The following KCNH3 variants were observed in gnomAD, a reference collection of about 807,000 sequenced individuals.
The protein encoded by KCNH3 is voltage-gated inwardly rectifying potassium channel KCNH3.
In KCNH3, 36 loss-of-function variants were observed where a neutral mutation model predicts 95.6. The observed-to-expected ratio is 0.38, with a 90% confidence interval of 0.29 to 0.50. The LOEUF is 0.50. Among genes scored for constraint, KCNH3 ranks in the 20% least tolerant of loss-of-function variants. The pLI is 0.95. For synonymous variants in KCNH3, 620 were observed against 646.3 expected, an observed-to-expected ratio of 0.96 and a Z score of 0.62; for missense variants, 1,030 against 1,484.1, an observed-to-expected ratio of 0.69 and a Z score of 5.03.
chr12:49,548,476 G>C (rs1166727350), intron 7 of KCNH3, among the ~76,000 whole-genome samples: 1 of 152,178 alleles, frequency 6.6e-6, no homozygotes, highest in African/African-American at 2.4e-5. Context: ...GAGTTGATGG[G>C]CTCAGAGAAA....
intron 13 of KCNH3, 29 bp downstream of exon 13, chr12:49,556,505 G>A: frequency 1.3e-6 from 2 of 1,505,948 alleles, no homozygotes; most frequent in Non-Finnish European, 1.8e-6. Context: ...GGTCTAGGTT[G>A]GTGGGGCAGC....
chr12:49,544,733 G>A (rs537812547), intron 7 of KCNH3, among the ~76,000 whole-genome samples: 6 of 124,326 alleles, frequency 4.8e-5, no homozygotes, highest in African/African-American at 1.6e-4. Context: ...CCCTCCCCCC[G>A]CATCCTCTCT....
rs771188274 is a variant in KCNH3 at position 49,549,478 on chromosome 12, C to T, written c.1506C>T (p.Ala502=). The part of the protein sequence containing the change: ...MHAVVFGNVT[A]IIQRMYARRF... ...CGGTGGTGTTTGGGAACGTGACGGC[C>T]ATCATCCAGCGCATGTACGCCCGCC... Residue 502 remains alanine (A), a synonymous_variant, in exon 9 of 15, where the codon GCC becomes GCT. Transcript: ENST00000257981. 8.7e-6 allele frequency: 14 copies of T among 1,613,384 alleles called. No homozygotes were observed. The highest frequency in any genetic ancestry group is 1.3e-5 in the African/African-American group (1 of 74,948).
chr12:49,554,369 C>G lies in KCNH3; in HGVS notation c.1951C>G (p.Arg651Gly). The G allele has an allele frequency of 6.2e-7, 1 of 1,613,350 alleles. No individual in the cohort carries two copies. The highest frequency in any genetic ancestry group is 1.3e-5 in the African/African-American group (1 of 75,074). Residue 651 changes from arginine (R) to glycine (G), a missense_variant, in exon 11 of 15, where the codon CGG becomes GGG. This residue lies in a region of KCNH3 where 160 missense variants were observed against 316.2 expected (regional missense o/e 0.51). Coordinates refer to ENST00000257981, the MANE Select transcript of KCNH3 (RefSeq NM_012284.3). ...KGDLIGCELP[R>G]REQVVKANAD... Reference sequence around the variant, plus strand: ...CGACCTGATCGGCTGTGAGCTGCCCCGGCGGGAGCAGGTGGTAAAGGCCAA... The same window carrying G: ...CGACCTGATCGGCTGTGAGCTGCCCGGGCGGGAGCAGGTGGTAAAGGCCAA...
Position 49,557,793 on chromosome 12 carries a change from A to T in KCNH3, c.3092A>T (p.Glu1031Val), listed in dbSNP as rs1011155589. 6.2e-6 allele frequency: 10 copies of T among 1,604,616 alleles called. No individual in the cohort carries two copies. Among genetic ancestry groups the T allele is most frequent in the Non-Finnish European group, 8.5e-6 (10 of 1,173,604 alleles). The change falls in exon 15 of 15, where the codon GAG becomes GTG. Residue 1031 changes from glutamate to valine, a missense_variant. By Grantham distance (121) the Glu-to-Val change is moderately radical. Transcript: ENST00000257981. The part of the protein sequence containing the change: ...SEEGARTGPA[E>V]PVSQAEATST... ...GAAGGGGCTAGGACTGGGCCCGCAG[A>T]GCCTGTGAGCCAGGCTGAGGCTACC...
chr12:49,556,837 T>TG, intron 13 of KCNH3: 1 of 639,212 alleles, frequency 1.6e-6, no homozygotes, highest in South Asian at 1.5e-5. Flanking sequence ...GATAGAGGGC[T>TG]GGGGATCCAG....
rs1938115710 is a variant in KCNH3, at chr12:49,547,942, C to T, written c.1190-953C>T. 3.3e-5 allele frequency among the ~76,000 whole-genome samples: 5 copies of T among 152,312 alleles called. No homozygotes were observed. In the South Asian group the frequency reaches 1.0e-3, roughly 32 times the overall value. ...CCCATCCAACACCCTAGAGCTCCTG[C>T]AACCCTCCAGCTAGGCTCAAGAGTG... On this transcript the variant is annotated intron_variant, in intron 7 of 14. Transcript: ENST00000257981.
chr12:49,549,199 CG>C, intron 8 of KCNH3, 26 bp downstream of exon 8: 2 of 1,560,284 alleles, frequency 1.3e-6, no homozygotes, highest in African/African-American at 1.4e-5. Context: ...CGCGTCTTCC[CG>C]GGGCCACTCC....
chr12:49,547,084 G>A (rs967565831), intron 7 of KCNH3, among the ~76,000 whole-genome samples: 4 of 151,830 alleles, frequency 2.6e-5, no homozygotes, highest in Admixed American at 1.3e-4. Context: ...TAGTAGAGAT[G>A]GGGTTTCACC....
intron 7 of KCNH3, among the ~76,000 whole-genome samples, chr12:49,548,235 T>C (rs1938134672): frequency 6.6e-6 from 1 of 152,172 alleles, no homozygotes; most frequent in Admixed American, 6.5e-5. Context: ...CAGTGTACCT[T>C]TGTCCCTCTC....
chr12:49,558,063 T>C lies in KCNH3; in HGVS notation c.*110T>C, dbSNP rs548749024. 1.2e-4 allele frequency: 159 copies of C among 1,275,156 alleles called. 1 individual carries two copies. The African/African-American group carries it at 2.1e-3, about 17-fold the overall frequency. 79.0% of individuals were successfully genotyped at this position (1,275,156 alleles called of 1,614,324 possible). A position where few individuals can be genotyped will look rare whatever the true frequency, so the allele number is the denominator to read the frequency against. On this transcript the variant is annotated 3_prime_UTR_variant, in exon 15 of 15. Coordinates refer to ENST00000257981, the MANE Select transcript of KCNH3 (RefSeq NM_012284.3). The stretch of plus-strand genomic sequence containing the variant: ...TCCCCACGGACTCCATGCGGCCCGC[T>C]GGCTCAGGGCAGGGAGCCTGGAAGC...
At position 49,557,359 on chromosome 12, in the gene KCNH3, A is replaced by C; in HGVS notation, c.2658A>C (p.Thr886=). The C allele has an allele frequency of 6.2e-7, 1 of 1,605,942 alleles. No homozygotes were observed. The highest frequency in any genetic ancestry group is 8.5e-7 in the Non-Finnish European group (1 of 1,174,240). ...GCCTCCTCCCTCCCCCAAAGGTGAC[A>C]GAGCTGTCAGAGCAGGTGCTGCAGA... is the stretch of plus-strand genomic sequence containing the variant. ...DTLDKLRQAV[T]ELSEQVLQMR... The change falls in exon 15 of 15, where the codon ACA becomes ACC. Residue 886 remains threonine (T), a synonymous_variant. Coordinates refer to ENST00000257981, the MANE Select transcript of KCNH3 (RefSeq NM_012284.3).
intron 11 of KCNH3, 134 bp downstream of exon 11, chr12:49,554,688 T>G (rs1938372324): frequency 1.3e-6 from 1 of 742,522 alleles, no homozygotes; most frequent in Non-Finnish European, 2.2e-6. Context: ...TGGGCAGGGG[T>G]CTACACCCTC....
At chr12:49,547,921 T>A (rs1035606890) in intron 7 of KCNH3, among the ~76,000 whole-genome samples, 1 of 152,036 alleles carries the variant, frequency 6.6e-6, no homozygotes, top group Non-Finnish European at 1.5e-5. Context: ...GGATCCCCCA[T>A]CCAACACCCT....
chr12:49,543,877 C>A, intron 5 of KCNH3, 38 bp from the exon 6 acceptor site: 1 of 1,584,994 alleles, frequency 6.3e-7, no homozygotes, highest in East Asian at 2.3e-5. Flanking sequence ...GGCTGCCCCC[C>A]CAGCCCCAGT....
Position 49,542,733 on chromosome 12 carries a change from C to A in KCNH3, c.473C>A (p.Ala158Glu). The change falls in exon 4 of 15, where the codon GCA becomes GAA. Residue 158 changes from alanine (A) to glutamate (E), a missense_variant. Coordinates refer to ENST00000257981, the MANE Select transcript of KCNH3 (RefSeq NM_012284.3). ...TGGGRRRYGR[A>E]RSKGFNANRR... ...GGTGGCCGGCGCCGATATGGCCGGGCACGATCCAAAGGCTTCAATGCCAAC... is the reference window on the plus strand; with the variant it reads ...GGTGGCCGGCGCCGATATGGCCGGGAACGATCCAAAGGCTTCAATGCCAAC... The A allele has an allele frequency of 6.3e-7, 1 of 1,584,958 alleles. No homozygotes were observed. The highest frequency in any genetic ancestry group is 8.6e-7 in the Non-Finnish European group (1 of 1,166,514).
At chr12:49,547,821 C>T (rs1288390090) in intron 7 of KCNH3, among the ~76,000 whole-genome samples, 2 of 152,042 alleles carry the variant, frequency 1.3e-5, no homozygotes, top group Admixed American at 6.6e-5. Flanking sequence ...CCACACATAC[C>T]CTCTGCCTCA....
At chr12:49,553,221 G>T (rs555457850) in intron 10 of KCNH3, among the ~76,000 whole-genome samples, 1 of 150,314 alleles carries the variant, frequency 6.7e-6, no homozygotes, top group African/African-American at 2.5e-5. Context: ...CTGCAGCCTC[G>T]ACCTACTGGG....
At chr12:49,557,068 C>G in intron 13 of KCNH3, 115 bp from the exon 14 acceptor site, 3 of 1,022,498 alleles carry the variant, frequency 2.9e-6, no homozygotes, top group Non-Finnish European at 1.5e-6. Context: ...AGAGATGATC[C>G]TAGGAGTCAG....
Sources: allele counts gnomAD v4.1 joint callset (sites outside exome capture counted in the v4.1 genomes callset), GRCh38; gene constraint gnomAD v4.1.1; regional missense constraint gnomAD v4.1.1; transcripts MANE v1.5; gene names NCBI Gene and HGNC (gene_info 2026-07-23, HGNC 2026-07-21).